The following ALDH5A1 variants were observed in gnomAD, a reference collection of about 807,000 sequenced individuals.
ALDH5A1 encodes the protein succinate-semialdehyde dehydrogenase, mitochondrial.
In ALDH5A1, 33 loss-of-function variants were observed where a neutral mutation model predicts 54.7. The ratio of observed to expected loss-of-function variants is 0.60; its 90% CI spans 0.46 to 0.81. The LOEUF is 0.81. ALDH5A1 is among the 30% of genes least tolerant of loss of function. The pLI is 0.00. For synonymous variants in ALDH5A1, 294 were observed against 292.7 expected (o/e 1.00, Z -0.05); for missense variants, 657 against 711.0 (o/e 0.92, Z 0.86).
chr6:24,505,421 T>TGTAAG (rs113576762), intron 4 of ALDH5A1, among the ~76,000 whole-genome samples: 4 of 151,516 alleles, frequency 2.6e-5, no homozygotes, highest in South Asian at 2.1e-4. Flanking sequence ...TTCAAGGTCC[T>TGTAAG]ATGTCACTTC....
At chr6:24,515,755 C>T (rs1759559697) in intron 5 of ALDH5A1, among the ~76,000 whole-genome samples, 1 of 152,170 alleles carries the variant, frequency 6.6e-6, no homozygotes, top group South Asian at 2.1e-4. Flanking sequence ...AAAGTAATAT[C>T]TGACCATCCT....
At chr6:24,507,748 A>C (rs1316072073) in intron 4 of ALDH5A1, among the ~76,000 whole-genome samples, 1 of 151,152 alleles carries the variant, frequency 6.6e-6, no homozygotes, top group Non-Finnish European at 1.5e-5. Flanking sequence ...ATTATCTTTT[A>C]TTTCTGGGTG....
At chr6:24,526,984 A>ATC (rs1561878737) in intron 7 of ALDH5A1, among the ~76,000 whole-genome samples, 1,224 of 29,782 alleles carry the variant, frequency 0.041, 18 homozygotes, top group Non-Finnish European at 0.059. Flanking sequence ...GTATATATAT[A>ATC]TATATATATA....
At chr6:24,506,303 G>T (rs1759355198) in intron 4 of ALDH5A1, among the ~76,000 whole-genome samples, 1 of 115,208 alleles carries the variant, frequency 8.7e-6, no homozygotes, top group Non-Finnish European at 1.7e-5. Flanking sequence ...ACCCAGGCTG[G>T]AGTGCAGGGT....
chr6:24,496,752 G>A (rs1211885292), intron 1 of ALDH5A1, among the ~76,000 whole-genome samples: 1 of 152,194 alleles, frequency 6.6e-6, no homozygotes, highest in Non-Finnish European at 1.5e-5. Context: ...GTGTGTATAT[G>A]TGTCCTAATC....
intron 4 of ALDH5A1, among the ~76,000 whole-genome samples, chr6:24,506,273 T>TTTTTTG (rs1390825941): frequency 1.9e-5 from 2 of 105,024 alleles, no homozygotes; most frequent in Non-Finnish European, 3.7e-5. Flanking sequence ...TTTTTTTTTT[T>TTTTTTG]GAGACAGTCT....
Position 24,533,815 on chromosome 6 carries a change from A to G in ALDH5A1, c.*103A>G. ...AAACTAATAGGTTTTCAGAATTATG[A>G]ATTTTTCAGAACTCATCCAGTCCTT... On this transcript the variant is annotated 3_prime_UTR_variant, in exon 10 of 10. Coordinates refer to ENST00000357578, the MANE Select transcript of ALDH5A1 (RefSeq NM_001080.3). 6.0e-6 allele frequency: 7 copies of G among 1,163,674 alleles called. No individual in the cohort carries two copies. Among genetic ancestry groups the G allele is most frequent in the Non-Finnish European group, 7.4e-6 (6 of 815,606 alleles). 72.1% of individuals were successfully genotyped at this position (1,163,674 alleles called of 1,614,324 possible).
chr6:24,529,203 G>A (rs186053153), intron 8 of ALDH5A1, among the ~76,000 whole-genome samples: 3 of 151,292 alleles, frequency 2.0e-5, no homozygotes, highest in Admixed American at 6.6e-5. Context: ...GTCTAACTCC[G>A]TCATCCAGGC....
intron 1 of ALDH5A1, among the ~76,000 whole-genome samples, chr6:24,499,441 G>GT (rs1460026616): frequency 1.5e-4 from 22 of 150,604 alleles, no homozygotes; most frequent in African/African-American, 5.4e-4. Context: ...TTTTTAAGTG[G>GT]TTTTATGTGA....
chr6:24,508,361 CAAAA>C lies in ALDH5A1; in HGVS notation c.726+3400_726+3403del, dbSNP rs1214819272. ...AGGTGACAGAGCAAGACTCCATCTC[CAAAA>C]AAAAAAAAAAAAAAAAAAAAAAAGA... On this transcript the variant is annotated intron_variant, in intron 4 of 9. Coordinates refer to ENST00000357578, the MANE Select transcript of ALDH5A1 (RefSeq NM_001080.3). 3.6e-3 allele frequency among the ~76,000 whole-genome samples: 47 copies of C among 13,074 alleles called. 1 individual carries two copies. The highest frequency in any genetic ancestry group is 0.01 in the African/African-American group (42 of 4,040). The allele number at this position is 13,074 out of a possible 152,430, so 8.6% of individuals were successfully genotyped here.
Position 24,534,963 on chromosome 6 carries a change from A to G in ALDH5A1, c.*1251A>G, listed in dbSNP as rs1230112034. 6.6e-6 allele frequency: 1 copy of G among 152,254 alleles called. No homozygotes were observed. Among genetic ancestry groups the G allele is most frequent in the African/African-American group, 2.4e-5 (1 of 41,474 alleles). The allele number at this position is 152,254 out of a possible 1,614,324, so 9.4% of individuals were successfully genotyped here. A position where few individuals can be genotyped will look rare whatever the true frequency, so the allele number is the denominator to read the frequency against. On this transcript the variant is annotated 3_prime_UTR_variant, in exon 10 of 10. Transcript: ENST00000357578. ...TATCTAATGAGAGTTTTTACAGCTC[A>G]TCATTCAAATAACGCACAAAAAACA... is the stretch of plus-strand genomic sequence containing the variant.
In ALDH5A1 at chr6:24,497,076, C is replaced by T. The variant is rs556092980; in HGVS notation, c.354+1726C>T. Among the ~76,000 whole-genome samples the T allele has an allele frequency of 2.6e-5, 4 of 152,232 alleles. No homozygotes were observed. The East Asian group carries it at 7.7e-4, about 29-fold the overall frequency. ...CGGACCTTTGCAGTGAGTGTTACAG[C>T]TCTTAAAGATGGCATGGACCCAAAG... On this transcript the variant is annotated intron_variant, in intron 1 of 9. Coordinates refer to ENST00000357578, the MANE Select transcript of ALDH5A1 (RefSeq NM_001080.3).
chr6:24,525,224 G>A (rs1190379513), intron 7 of ALDH5A1, among the ~76,000 whole-genome samples: 1 of 152,152 alleles, frequency 6.6e-6, no homozygotes, highest in Non-Finnish European at 1.5e-5. Flanking sequence ...GGGTATTTTT[G>A]TTAAGTAGAA....
At chr6:24,529,669 GGTTT>G (rs1759890074) in intron 8 of ALDH5A1, among the ~76,000 whole-genome samples, 1 of 74,210 alleles carries the variant, frequency 1.3e-5, no homozygotes, top group African/African-American at 3.9e-5. Context: ...TTTTGGTTTG[GGTTT>G]TTTTTTTTTT....
At chr6:24,531,849 C>A (rs1759943066) in intron 8 of ALDH5A1, among the ~76,000 whole-genome samples, 3 of 152,116 alleles carry the variant, frequency 2.0e-5, no homozygotes, top group Admixed American at 2.0e-4. Context: ...GTTTGATATT[C>A]TGGATATGCC....
chr6:24,535,007 G>A lies in ALDH5A1; in HGVS notation c.*1295G>A, dbSNP rs143074829. 1.5e-4 allele frequency: 23 copies of A among 152,304 alleles called. No individual in the cohort carries two copies. In the East Asian group the frequency reaches 3.9e-3, roughly 26 times the overall value. 9.4% of individuals were successfully genotyped at this position (152,304 alleles called of 1,614,324 possible). A position where few individuals can be genotyped will look rare whatever the true frequency, so the allele number is the denominator to read the frequency against. On this transcript the variant is annotated 3_prime_UTR_variant, in exon 10 of 10. Coordinates refer to ENST00000357578, the MANE Select transcript of ALDH5A1 (RefSeq NM_001080.3). ...AAAAACAAAAGCCGCTATGACCGGC[G>A]TTGCCTCTCACTTTGAAAGAAAGAC...
Position 24,522,478 on chromosome 6 carries a change from C to T in ALDH5A1, c.1015-289C>T, listed in dbSNP as rs993193241. 8.9e-5 allele frequency among the ~76,000 whole-genome samples: 12 copies of T among 134,490 alleles called. No homozygotes were observed. Among genetic ancestry groups the T allele is most frequent in the South Asian group, 2.6e-4 (1 of 3,846 alleles). The allele number at this position is 134,490 out of a possible 152,430, so 88.2% of individuals were successfully genotyped here. A position where few individuals can be genotyped will look rare whatever the true frequency, so the allele number is the denominator to read the frequency against. The stretch of plus-strand genomic sequence containing the variant: ...TGGGTGGCTTTTTTTTCTTTTCTTT[C>T]GTGTGTGTGTGTGTGTGTGTGTGTG... On this transcript the variant is annotated intron_variant, in intron 6 of 9. Transcript: ENST00000357578.
intron 1 of ALDH5A1, among the ~76,000 whole-genome samples, chr6:24,496,143 G>T (rs9461030): frequency 1.3e-5 from 2 of 152,178 alleles, no homozygotes; most frequent in Non-Finnish European, 2.9e-5. Flanking sequence ...ACGAGTACAA[G>T]AGAGTCTTAG....
At position 24,509,387 on chromosome 6, in the gene ALDH5A1, A is replaced by G. The variant is rs992426142; in HGVS notation, c.726+4402A>G. 2.0e-5 allele frequency among the ~76,000 whole-genome samples: 3 copies of G among 152,034 alleles called. No individual in the cohort carries two copies. Among genetic ancestry groups the G allele is most frequent in the African/African-American group, 7.2e-5 (3 of 41,392 alleles). On this transcript the variant is annotated intron_variant, in intron 4 of 9. Transcript: ENST00000357578. The surrounding 1 kb of genome is among the most constrained non-coding windows in gnomAD (Gnocchi z 4.7). ...TTGAGGGAGGATTCCCTCTTTCTCT[A>G]TCTTGTGGAATAGTGTCAATAGGAT...
Sources: gnomAD v4.1 joint callset for allele counts (sites outside exome capture counted in the v4.1 genomes callset) on GRCh38, gnomAD v4.1.1 for gene constraint, Gnocchi (gnomAD v3.1) non-coding constraint, MANE v1.5 for transcripts, NCBI Gene and HGNC (gene_info 2026-07-23, HGNC 2026-07-21) for gene names.